SLC5A11: variants seen among roughly 807,000 people sequenced by gnomAD.
SLC5A11 encodes the protein solute carrier family 5 member 11.
A neutral mutation model predicts 69.8 loss-of-function variants in SLC5A11; 48 were observed. The ratio of observed to expected loss-of-function variants is 0.69; its 90% CI spans 0.55 to 0.87. The LOEUF (loss-of-function observed/expected upper bound fraction) is 0.87. Among genes scored for constraint, SLC5A11 ranks in the 40% least tolerant of loss-of-function variants. The probability of loss-of-function intolerance (pLI) is 0.00; values close to 1 mark genes in which losing one functional copy is unlikely to be tolerated. For missense variants in SLC5A11, 784 were observed against 866.1 expected, an observed-to-expected ratio of 0.91 and a Z score of 1.19; for synonymous variants, 319 against 342.4, an observed-to-expected ratio of 0.93 and a Z score of 0.75.
chr16:24,893,852 G>A (rs1181007458), intron 9 of SLC5A11, among the ~76,000 whole-genome samples: 1 of 152,156 alleles, frequency 6.6e-6, no homozygotes, highest in Non-Finnish European at 1.5e-5. Flanking sequence ...GATTACAGGC[G>A]TGAGCCACTG....
rs138146742 is a variant in SLC5A11, at chr16:24,870,976, T to TA, written c.312+972dup. 8.8e-3 allele frequency among the ~76,000 whole-genome samples: 1,336 copies of TA among 152,180 alleles called. 22 individuals are homozygous for TA. Among genetic ancestry groups the TA allele is most frequent in the African/African-American group, 0.03 (1,247 of 41,512 alleles). ...CCTCTGAGATACTCAAGGGATAAGA[T>TA]ACACTCTCGTATATAGCAGGGCTCA... is the stretch of plus-strand genomic sequence containing the variant. On this transcript the variant is annotated intron_variant, in intron 4 of 15. Coordinates refer to ENST00000347898, the Ensembl canonical transcript of SLC5A11.
At chr16:24,892,830 G>A (rs774521747) in intron 9 of SLC5A11, among the ~76,000 whole-genome samples, 6 of 152,060 alleles carry the variant, frequency 3.9e-5, no homozygotes, top group African/African-American at 1.2e-4. Context: ...TCCTTTGAGC[G>A]GAGAGCTAAG....
At chr16:24,897,692 A>G (rs980378294) in intron 9 of SLC5A11, among the ~76,000 whole-genome samples, 1 of 152,184 alleles carries the variant, frequency 6.6e-6, no homozygotes, top group Non-Finnish European at 1.5e-5. Flanking sequence ...CAGAAGGCAA[A>G]GAGGAGCAAG....
At chr16:24,857,025 G>A (rs190214100) in intron 1 of SLC5A11, among the ~76,000 whole-genome samples, 1 of 152,094 alleles carries the variant, frequency 6.6e-6, no homozygotes, top group Non-Finnish European at 1.5e-5. Context: ...CCACCACGTT[G>A]CCCAGGTTGG....
chr16:24,889,105 A>G (rs1455205794), intron 8 of SLC5A11, among the ~76,000 whole-genome samples: 1 of 152,072 alleles, frequency 6.6e-6, no homozygotes, highest in Non-Finnish European at 1.5e-5. Context: ...CCCAATATCT[A>G]TTTCTTTGAA....
At position 24,908,872 on chromosome 16, in the gene SLC5A11, A is replaced by G; in HGVS notation, c.1435-9A>G. 1 of 1,611,618 alleles carries G rather than the reference A, an allele frequency of 6.2e-7. No individual in the cohort carries two copies. The highest frequency in any genetic ancestry group is 8.5e-7 in the Non-Finnish European group (1 of 1,179,918). ...GCGTCTCTAAGATGATCTTGCTCTG[A>G]TTTTGCAGGGTGCCTTCTGGGGCCT... On this transcript the variant is annotated splice_polypyrimidine_tract_variant and intron_variant, in intron 13 of 15. Transcript: ENST00000347898.
At chr16:24,849,332 C>T (rs908808038) in intron 1 of SLC5A11, among the ~76,000 whole-genome samples, 2 of 151,798 alleles carry the variant, frequency 1.3e-5, no homozygotes, top group Non-Finnish European at 1.5e-5. Flanking sequence ...CTTTGGGAGG[C>T]CGAGGCGGGT....
chr16:24,906,980 T>G, intron 11 of SLC5A11, 45 bp from the exon 13 acceptor site: 1 of 1,598,672 alleles, frequency 6.3e-7, no homozygotes, highest in Non-Finnish European at 8.5e-7. Context: ...ATCGGCTGCT[T>G]TGGCAGAAAA....
chr16:24,849,603 T>C (rs868307593), intron 1 of SLC5A11, among the ~76,000 whole-genome samples: 3 of 90,268 alleles, frequency 3.3e-5, no homozygotes, highest in African/African-American at 8.3e-5. Flanking sequence ...AATATATATA[T>C]ATATATATAT....
At chr16:24,873,826 A>ATTTT (rs59598384) in intron 5 of SLC5A11, among the ~76,000 whole-genome samples, 28 of 138,182 alleles carry the variant, frequency 2.0e-4, no homozygotes, top group African/African-American at 7.3e-4. Flanking sequence ...AACTGGAGTA[A>ATTTT]TTTTTTTTTT....
At chr16:24,892,526 TA>T (rs953040912) in intron 9 of SLC5A11, among the ~76,000 whole-genome samples, 1 of 151,150 alleles carries the variant, frequency 6.6e-6, no homozygotes, top group African/African-American at 2.4e-5. Context: ...TATACAAAAC[TA>T]AGAAGAGTGG....
intron 12 of SLC5A11, 85 bp downstream of exon 13, chr16:24,907,260 C>T (rs542810713): frequency 6.7e-7 from 1 of 1,482,028 alleles, no homozygotes; most frequent in East Asian, 2.3e-5. Flanking sequence ...AGCCAGCAAC[C>T]TATCCAGGCT....
intron 9 of SLC5A11, among the ~76,000 whole-genome samples, chr16:24,892,746 T>G (rs2048897516): frequency 6.6e-6 from 1 of 152,120 alleles, no homozygotes; most frequent in African/African-American, 2.4e-5. Context: ...AAAGCAATAA[T>G]CATGGCATTG....
intron 1 of SLC5A11, among the ~76,000 whole-genome samples, chr16:24,856,589 TAAAAATAC>T (rs1284155553): frequency 1.6e-5 from 1 of 61,344 alleles, no homozygotes. Context: ...CCATCTCTAC[TAAAAATAC>T]AAAAAAAAAA....
chr16:24,890,315 C>T (rs895548833), intron 8 of SLC5A11, among the ~76,000 whole-genome samples: 1 of 151,732 alleles, frequency 6.6e-6, no homozygotes, highest in African/African-American at 2.4e-5. Context: ...GAAACCCCAT[C>T]TCTACTAAAA....
intron 3 of SLC5A11, among the ~76,000 whole-genome samples, chr16:24,865,887 G>A (rs1465049820): frequency 6.6e-6 from 1 of 151,300 alleles, no homozygotes; most frequent in East Asian, 1.9e-4. Context: ...AGTATAAATT[G>A]GTTTTCGATT....
intron 3 of SLC5A11, 48 bp from the exon 5 acceptor site, chr16:24,869,853 G>C (rs201530362): frequency 7.3e-7 from 1 of 1,368,978 alleles, no homozygotes; most frequent in African/African-American, 1.4e-5. Flanking sequence ...TGGGGAGCAG[G>C]TACCCTTGAC....
rs1567695697 is a variant in SLC5A11, at chr16:24,905,648, A to ATG, written c.1007-1009_1007-1008insTG. On this transcript the variant is annotated intron_variant, in intron 10 of 15. Transcript: ENST00000347898. ...AAAACACGCGCGCGCGCGCACACACACACACACACACACACACACACACAC... is the reference window on the plus strand; with the variant it reads ...AAAACACGCGCGCGCGCGCACACACATGCACACACACACACACACACACACAC... 8.5e-5 allele frequency among the ~76,000 whole-genome samples: 11 copies of ATG among 129,288 alleles called. No homozygotes were observed. The Admixed American group carries it at 8.7e-4, about 10-fold the overall frequency. The allele number at this position is 129,288 out of a possible 152,430, so 84.8% of individuals were successfully genotyped here. A position where few individuals can be genotyped will look rare whatever the true frequency, so the allele number is the denominator to read the frequency against.
chr16:24,870,732 A>G (rs2047237735), intron 4 of SLC5A11, among the ~76,000 whole-genome samples: 1 of 134,710 alleles, frequency 7.4e-6, no homozygotes, highest in South Asian at 2.7e-4. Flanking sequence ...GTGAGGTGAG[A>G]TTGTAACACT....
Sources: allele counts gnomAD v4.1 joint callset (sites outside exome capture counted in the v4.1 genomes callset), GRCh38; gene constraint gnomAD v4.1.1; transcripts MANE v1.5; gene names NCBI Gene and HGNC (gene_info 2026-07-23, HGNC 2026-07-21).